Variants in ANGPT4 observed in about 807,000 individuals in gnomAD.
The protein encoded by ANGPT4 is angiopoietin 4.
In ANGPT4, 50 loss-of-function variants were observed where a neutral mutation model predicts 53.0. That is an observed-to-expected ratio of 0.94 (90% CI 0.75 to 1.20). The LOEUF (loss-of-function observed/expected upper bound fraction) is 1.20. ANGPT4 is among the 50% of genes most tolerant of loss of function. The probability of loss-of-function intolerance (pLI) is 0.00; values close to 1 mark genes in which losing one functional copy is unlikely to be tolerated. For missense variants in ANGPT4, 648 were observed against 637.1 expected (o/e 1.02, Z -0.18); for synonymous variants, 251 against 259.7 (o/e 0.97, Z 0.32).
intron 1 of ANGPT4, among the ~76,000 whole-genome samples, chr20:895,286 T>A (rs1600056232): frequency 6.6e-6 from 1 of 152,210 alleles, no homozygotes. Flanking sequence ...CTCAGGCCTA[T>A]GATGGGGTAC....
At chr20:886,521 G>T (rs1462779382) in intron 3 of ANGPT4, among the ~76,000 whole-genome samples, 2 of 152,196 alleles carry the variant, frequency 1.3e-5, no homozygotes, top group Admixed American at 6.5e-5. Flanking sequence ...GTATGATGGG[G>T]CTATGTCCTA....
intron 1 of ANGPT4, among the ~76,000 whole-genome samples, chr20:912,197 G>A (rs1418628575): frequency 6.6e-6 from 1 of 152,174 alleles, no homozygotes; most frequent in African/African-American, 2.4e-5. Flanking sequence ...TGGGACACCT[G>A]GGGCAACTGG....
chr20:878,034 T>G, intron 7 of ANGPT4, 127 bp downstream of exon 7: 1 of 1,058,248 alleles, frequency 9.4e-7, no homozygotes, highest in Non-Finnish European at 1.3e-6. Context: ...GGGGGACAGA[T>G]GGTAGGAACA....
rs1480495731 is a variant in ANGPT4 at position 908,640 on chromosome 20, T to G, written c.309+7266A>C. On this transcript the variant is annotated intron_variant, in intron 1 of 8. Coordinates refer to ENST00000381922, the MANE Select transcript of ANGPT4 (RefSeq NM_015985.4). The surrounding 1 kb of genome is among the most constrained non-coding windows in gnomAD (Gnocchi z 4.9). Reference sequence around the variant, plus strand: ...TCTTCCTTGCTCACTACTAAATCCTTGTCACTTGCATGGCGCCTGGCGCAT... The same window carrying G: ...TCTTCCTTGCTCACTACTAAATCCTGGTCACTTGCATGGCGCCTGGCGCAT... Among the ~76,000 whole-genome samples, 1 of 152,206 alleles carries G rather than the reference T, an allele frequency of 6.6e-6. No individual in the cohort carries two copies. Among genetic ancestry groups the G allele is most frequent in the African/African-American group, 2.4e-5 (1 of 41,446 alleles).
chr20:896,084 G>C (rs191850835), intron 1 of ANGPT4, among the ~76,000 whole-genome samples: 1 of 152,166 alleles, frequency 6.6e-6, no homozygotes. Context: ...CCCAACACAA[G>C]GTTCTATAAA....
chr20:912,619 G>A (rs540561447), intron 1 of ANGPT4, among the ~76,000 whole-genome samples: 62 of 152,216 alleles, frequency 4.1e-4, no homozygotes, highest in South Asian at 1.0e-3. Context: ...GGAGAGAGAG[G>A]GAGGCAGAAG....
At chr20:915,628 TC>T (rs1468082625) in intron 1 of ANGPT4, among the ~76,000 whole-genome samples, 3 of 152,280 alleles carry the variant, frequency 2.0e-5, no homozygotes, top group Non-Finnish European at 4.4e-5. Context: ...TACTGTCGTA[TC>T]CCCAGCACCC....
At chr20:909,938 T>C (rs1982634099) in intron 1 of ANGPT4, among the ~76,000 whole-genome samples, 1 of 152,150 alleles carries the variant, frequency 6.6e-6, no homozygotes, top group Non-Finnish European at 1.5e-5. Flanking sequence ...AGAAAAGCCC[T>C]AGGGAGCCTT....
rs865925309 is a variant in ANGPT4, at chr20:888,327, C to T, written c.578G>A (p.Gly193Asp). The change falls in exon 3 of 9, where the codon GGC (glycine) becomes GAC (aspartate). Residue 193 changes from glycine (G) to aspartate (D), a missense_variant. Physicochemically the swap from Gly to Asp is moderately conservative, Grantham distance 94. Transcript: ENST00000381922. ...LQRQKLQQLQ[G>D]QNSALEKRLQ... Reference sequence around the variant, plus strand: ...CAGGTGCCACACCCACCTGTTTTGGCCCTGAAGCTGCTGGAGCTTCTGCCT... The same window carrying T: ...CAGGTGCCACACCCACCTGTTTTGGTCCTGAAGCTGCTGGAGCTTCTGCCT... The T allele has an allele frequency of 1.2e-6, 2 of 1,612,942 alleles. No homozygotes were observed. The highest frequency in any genetic ancestry group is 1.3e-5 in the African/African-American group (1 of 75,036).
intron 6 of ANGPT4, among the ~76,000 whole-genome samples, chr20:879,500 A>AT (rs1338539011): frequency 9.9e-5 from 15 of 152,202 alleles, no homozygotes; most frequent in South Asian, 8.3e-4. Context: ...ATGTATATGT[A>AT]TTTTTTTAAA....
chr20:876,151 A>T (rs1405677869), intron 7 of ANGPT4, among the ~76,000 whole-genome samples: 1 of 151,138 alleles, frequency 6.6e-6, no homozygotes, highest in Non-Finnish European at 1.5e-5. Context: ...TCTCAAAAAA[A>T]AAAAAAAAAA....
intron 2 of ANGPT4, among the ~76,000 whole-genome samples, chr20:889,342 G>A (rs1981747345): frequency 6.6e-6 from 1 of 152,194 alleles, no homozygotes; most frequent in African/African-American, 2.4e-5. Flanking sequence ...ACATCATAGT[G>A]TGTACTTACA....
intron 2 of ANGPT4, among the ~76,000 whole-genome samples, chr20:889,847 C>G (rs934203690): frequency 6.6e-6 from 1 of 152,226 alleles, no homozygotes; most frequent in Admixed American, 6.5e-5. Flanking sequence ...TACCTCTTCT[C>G]TCCAAGTCCT....
rs149007710 is a variant in ANGPT4 at position 907,980 on chromosome 20, C to T, written c.309+7926G>A. Among the ~76,000 whole-genome samples, 46 of 152,222 alleles carry T rather than the reference C, an allele frequency of 3.0e-4. 1 individual carries two copies. Among genetic ancestry groups the T allele is most frequent in the Non-Finnish European group, 4.4e-4 (30 of 68,028 alleles). ...TGAGTAAACTAAGGCCCACAAAGGC[C>T]GAGCATTACTCACAGCTGGTAAAGG... On this transcript the variant is annotated intron_variant, in intron 1 of 8. Transcript: ENST00000381922.
At position 914,291 on chromosome 20, in the gene ANGPT4, G is replaced by A. The variant is rs539850525; in HGVS notation, c.309+1615C>T. 1.6e-4 allele frequency among the ~76,000 whole-genome samples: 25 copies of A among 152,254 alleles called. No individual in the cohort carries two copies. The South Asian group carries it at 5.0e-3, about 30-fold the overall frequency. Reference sequence around the variant, plus strand: ...AAAAAACACAACAAAGCCAGCAGAGGGACAAAGGGTGGAAGAGGAAGGTGG... The same window carrying A: ...AAAAAACACAACAAAGCCAGCAGAGAGACAAAGGGTGGAAGAGGAAGGTGG... On this transcript the variant is annotated intron_variant, in intron 1 of 8. Coordinates refer to ENST00000381922, the MANE Select transcript of ANGPT4 (RefSeq NM_015985.4). The surrounding 1 kb of genome is among the most constrained non-coding windows in gnomAD (Gnocchi z 5.0).
chr20:881,363 G>T, intron 4 of ANGPT4, 77 bp from the exon 5 acceptor site: 1 of 1,325,360 alleles, frequency 7.5e-7, no homozygotes, highest in Non-Finnish European at 1.1e-6. Context: ...ATGCCTGCCT[G>T]CTTTGTGCCA....
In ANGPT4 at chr20:902,320, A is replaced by G. The variant is rs73892524; in HGVS notation, c.310-11952T>C. On this transcript the variant is annotated intron_variant, in intron 1 of 8. Transcript: ENST00000381922. ...CCCAGGGATCTGTGAATAGAATTCA[A>G]GGAACCTGTAAACTTGCATTAAAAA... is the stretch of plus-strand genomic sequence containing the variant. Among the ~76,000 whole-genome samples the G allele has an allele frequency of 4.3e-3, 650 of 152,120 alleles. 3 individuals are homozygous for G. The highest frequency in any genetic ancestry group is 0.015 in the African/African-American group (626 of 41,378).
intron 1 of ANGPT4, among the ~76,000 whole-genome samples, chr20:891,480 C>A (rs4816050): frequency 6.6e-6 from 1 of 152,194 alleles, no homozygotes; most frequent in South Asian, 2.1e-4. Flanking sequence ...GTTCTCAGGG[C>A]TCGGTGCCTG....
rs975245239 is a variant in ANGPT4 at position 884,990 on chromosome 20, C to T, written c.835+88G>A. The stretch of plus-strand genomic sequence containing the variant: ...GGTGGGGCCCGCAATGGCTCCCAGG[C>T]GCCCAGAGACCCTGGAGGGTGAGCA... On this transcript the variant is annotated intron_variant, in intron 4 of 8. Coordinates refer to ENST00000381922, the MANE Select transcript of ANGPT4 (RefSeq NM_015985.4). The T allele has an allele frequency of 6.5e-6, 10 of 1,543,634 alleles. No homozygotes were observed. The Admixed American group carries it at 1.8e-4, about 28-fold the overall frequency.
Sources: gnomAD v4.1 joint callset for allele counts (sites outside exome capture counted in the v4.1 genomes callset) on GRCh38, gnomAD v4.1.1 for gene constraint, Gnocchi (gnomAD v3.1) non-coding constraint, MANE v1.5 for transcripts, NCBI Gene and HGNC (gene_info 2026-07-23, HGNC 2026-07-21) for gene names.